Variants in TDRD3 observed in about 807,000 individuals in gnomAD.
The protein encoded by TDRD3 is tudor domain containing 3.
Under a neutral mutation model 86.7 loss-of-function variants are expected in TDRD3, and 45 were observed. That is an observed-to-expected ratio of 0.52 (90% confidence interval 0.41 to 0.67). The LOEUF is 0.67. Among genes scored for constraint, TDRD3 ranks in the 30% least tolerant of loss-of-function variants. TDRD3 has a pLI of 0.00. For missense variants in TDRD3, 814 were observed against 889.0 expected, an observed-to-expected ratio of 0.92 and a Z score of 1.07; for synonymous variants, 298 against 301.7, an observed-to-expected ratio of 0.99 and a Z score of 0.13.
In TDRD3 at chr13:60,470,455, ATTTAC is replaced by A. The variant is rs560288398; in HGVS notation, c.495+3082_495+3086del. On this transcript the variant is annotated intron_variant, in intron 5 of 13. Transcript: ENST00000377881. ...TTGAAGAATTGCCATACTGTTTTAT[ATTTAC>A]TTTACACTCATTTCCACCAGGATAT... 5.9e-5 allele frequency among the ~76,000 whole-genome samples: 9 copies of A among 152,038 alleles called. No individual in the cohort carries two copies. In the South Asian group the frequency reaches 1.9e-3, roughly 32 times the overall value.
chr13:60,466,974 GT>G (rs142861115), intron 4 of TDRD3, among the ~76,000 whole-genome samples: 1 of 149,486 alleles, frequency 6.7e-6, no homozygotes, highest in Non-Finnish European at 1.5e-5. Context: ...ATGTGTGTGT[GT>G]TTTTTTGTTT....
chr13:60,502,425 T>C (rs1255576880), intron 8 of TDRD3, among the ~76,000 whole-genome samples: 1 of 152,242 alleles, frequency 6.6e-6, no homozygotes, highest in African/African-American at 2.4e-5. Context: ...TTATTTTTGG[T>C]AAAAACAAAT....
chr13:60,518,747 T>A (rs1957223789), intron 10 of TDRD3, among the ~76,000 whole-genome samples: 1 of 152,168 alleles, frequency 6.6e-6, no homozygotes, highest in Admixed American at 6.5e-5. Context: ...TAATAATGTA[T>A]CCAGCACTAA....
chr13:60,458,204 CA>C (rs1432042687), intron 3 of TDRD3, among the ~76,000 whole-genome samples: 3 of 152,148 alleles, frequency 2.0e-5, no homozygotes, highest in African/African-American at 7.2e-5. Flanking sequence ...AGGAGATCAC[CA>C]AAATAGTCCT....
intron 1 of TDRD3, among the ~76,000 whole-genome samples, chr13:60,418,082 A>C (rs1448109613): frequency 6.6e-6 from 1 of 152,172 alleles, no homozygotes; most frequent in Non-Finnish European, 1.5e-5. Context: ...TGTCACCTAC[A>C]GGATGAAGTC....
At chr13:60,559,615 G>A (rs1052209816) in intron 12 of TDRD3, among the ~76,000 whole-genome samples, 8 of 152,110 alleles carry the variant, frequency 5.3e-5, no homozygotes, top group Non-Finnish European at 1.0e-4. Context: ...GGAGGATATT[G>A]TGCTAAATGA....
chr13:60,465,789 G>A (rs1955907252), intron 4 of TDRD3, among the ~76,000 whole-genome samples: 1 of 152,068 alleles, frequency 6.6e-6, no homozygotes, highest in African/African-American at 2.4e-5. Context: ...GAGGTTTTAA[G>A]ATGTGAACAA....
chr13:60,541,506 A>G (rs1957808336), intron 12 of TDRD3, among the ~76,000 whole-genome samples: 1 of 151,782 alleles, frequency 6.6e-6, no homozygotes, highest in African/African-American at 2.4e-5. Context: ...CGTGAATAAT[A>G]CCAGAAGCTA....
chr13:60,506,520 C>T (rs769398213), intron 8 of TDRD3, among the ~76,000 whole-genome samples: 3 of 152,160 alleles, frequency 2.0e-5, no homozygotes, highest in Non-Finnish European at 2.9e-5. Flanking sequence ...CCAGGGTGGG[C>T]GGATCGCAAG....
chr13:60,509,113 G>C (rs1034513484), intron 8 of TDRD3, among the ~76,000 whole-genome samples: 1 of 152,100 alleles, frequency 6.6e-6, no homozygotes. Context: ...TTTCTCAGCT[G>C]GCTTTGGTTC....
intron 5 of TDRD3, among the ~76,000 whole-genome samples, chr13:60,475,250 C>G (rs1956160883): frequency 6.6e-6 from 1 of 152,100 alleles, no homozygotes; most frequent in South Asian, 2.1e-4. Flanking sequence ...CCACCCTTCT[C>G]CCTTAAGCAG....
intron 1 of TDRD3, among the ~76,000 whole-genome samples, chr13:60,402,995 A>G (rs968046060): frequency 3.3e-5 from 5 of 152,224 alleles, no homozygotes; most frequent in Admixed American, 6.5e-5. Context: ...TTCAAAGGTA[A>G]TAAGCCTTGC....
At chr13:60,397,677 C>A (rs1301432077) in intron 1 of TDRD3, among the ~76,000 whole-genome samples, 1 of 148,254 alleles carries the variant, frequency 6.7e-6, no homozygotes, top group Non-Finnish European at 1.5e-5. Flanking sequence ...TGGGGAGAGG[C>A]CGGGGGCCGC....
chr13:60,490,628 T>G (rs1956565581), intron 7 of TDRD3, among the ~76,000 whole-genome samples: 1 of 152,136 alleles, frequency 6.6e-6, no homozygotes, highest in African/African-American at 2.4e-5. Context: ...TGTTCAGACT[T>G]GGTTGCAGAG....
intron 2 of TDRD3, among the ~76,000 whole-genome samples, chr13:60,440,939 A>C (rs530449449): frequency 6.6e-6 from 1 of 152,314 alleles, no homozygotes; most frequent in East Asian, 1.9e-4. Flanking sequence ...AAAGTTACTT[A>C]AATTTATATT....
chr13:60,540,880 G>A (rs1957794416), intron 12 of TDRD3, among the ~76,000 whole-genome samples: 1 of 152,024 alleles, frequency 6.6e-6, no homozygotes, highest in African/African-American at 2.4e-5. Flanking sequence ...TGATGGTGAA[G>A]TAAATCCCAA....
At chr13:60,467,418 A>T in intron 5 of TDRD3, 39 bp downstream of exon 5, 1 of 1,600,146 alleles carries the variant, frequency 6.2e-7, no homozygotes, top group Non-Finnish European at 8.5e-7. Flanking sequence ...GAAACATTAC[A>T]CTCTTTTTTA....
At chr13:60,555,792 C>T (rs1958167950) in intron 12 of TDRD3, among the ~76,000 whole-genome samples, 1 of 150,230 alleles carries the variant, frequency 6.7e-6, no homozygotes, top group South Asian at 2.1e-4. Context: ...TCAGCTGGTA[C>T]TTTTCAAGGT....
chr13:60,509,539 C>T, intron 8 of TDRD3: 1 of 497,036 alleles, frequency 2.0e-6, no homozygotes, highest in Non-Finnish European at 3.6e-6. Flanking sequence ...GTTGCTTTTG[C>T]AGTGTTACTT....
Sources: gnomAD v4.1 joint callset for allele counts (sites outside exome capture counted in the v4.1 genomes callset) on GRCh38, gnomAD v4.1.1 for gene constraint, MANE v1.5 for transcripts, NCBI Gene and HGNC (gene_info 2026-07-23, HGNC 2026-07-21) for gene names.